The following GSG1L variants were observed in gnomAD, a reference collection of about 807,000 sequenced individuals.
The protein encoded by GSG1L is GSG1 like, also known as germ cell-specific gene 1-like protein.
In GSG1L, 24 loss-of-function variants were observed where a neutral mutation model predicts 42.1. The observed-to-expected ratio is 0.57, with a 90% CI of 0.41 to 0.80. The LOEUF is 0.80. Among genes scored for constraint, GSG1L ranks in the 30% least tolerant of loss-of-function variants. GSG1L has a pLI of 0.00. For synonymous variants in GSG1L, 215 were observed against 203.5 expected, an observed-to-expected ratio of 1.06 and a Z score of -0.48; for missense variants, 445 against 472.2, an observed-to-expected ratio of 0.94 and a Z score of 0.53.
intron 2 of GSG1L, among the ~76,000 whole-genome samples, chr16:27,942,806 C>A (rs1175514972): frequency 6.6e-6 from 1 of 152,116 alleles, no homozygotes; most frequent in Non-Finnish European, 1.5e-5. Context: ...TTTCATAGCC[C>A]ACTAGTGGGG....
chr16:27,843,005 C>T (rs146367213), intron 4 of GSG1L, among the ~76,000 whole-genome samples: 2 of 152,330 alleles, frequency 1.3e-5, no homozygotes, highest in South Asian at 2.1e-4. Context: ...TCCCCACACA[C>T]ATCTACATCA....
intron 2 of GSG1L, among the ~76,000 whole-genome samples, chr16:27,941,730 G>A (rs892975794): frequency 5.9e-5 from 9 of 151,922 alleles, no homozygotes; most frequent in African/African-American, 2.2e-4. Flanking sequence ...ACAGACAAAT[G>A]GATAAACCAG....
At chr16:28,013,592 A>G (rs944803246) in intron 1 of GSG1L, among the ~76,000 whole-genome samples, 3 of 152,198 alleles carry the variant, frequency 2.0e-5, no homozygotes, top group Admixed American at 1.3e-4. Flanking sequence ...GGCATTTTCC[A>G]AGCACTGACC....
chr16:27,914,317 T>C (rs1401015854), intron 2 of GSG1L, among the ~76,000 whole-genome samples: 1 of 152,176 alleles, frequency 6.6e-6, no homozygotes, highest in East Asian at 1.9e-4. Flanking sequence ...AGTAGAATTG[T>C]TATATGAACT....
rs571726700 is a variant in GSG1L at position 27,905,309 on chromosome 16, A to G, written c.398-20671T>C. Among the ~76,000 whole-genome samples the G allele has an allele frequency of 2.1e-4, 31 of 147,266 alleles. No individual in the cohort carries two copies. In the East Asian group the frequency reaches 6.0e-3, roughly 28 times the overall value. On this transcript the variant is annotated intron_variant, in intron 2 of 6. Coordinates refer to ENST00000447459, the MANE Select transcript of GSG1L (RefSeq NM_001109763.2). ...CAAAGGGGAAAATGCTATTCCGTTC[A>G]TGCCAGAATCTTTTTTTTTTTTTTT...
At chr16:28,052,524 C>A (rs146154526) in intron 1 of GSG1L, among the ~76,000 whole-genome samples, 217 of 152,232 alleles carry the variant, frequency 1.4e-3, no homozygotes, top group Non-Finnish European at 2.5e-3. Flanking sequence ...CAATGAGATG[C>A]AAGCAGGATG....
At chr16:28,042,363 G>T (rs1034931473) in intron 1 of GSG1L, among the ~76,000 whole-genome samples, 1 of 151,854 alleles carries the variant, frequency 6.6e-6, no homozygotes, top group Non-Finnish European at 1.5e-5. Flanking sequence ...TTGAACCCGG[G>T]GGGCGGAGGT....
chr16:28,062,349 TAA>T (rs1436422109), intron 1 of GSG1L, among the ~76,000 whole-genome samples: 76 of 152,226 alleles, frequency 5.0e-4, no homozygotes, highest in Non-Finnish European at 9.0e-4. Flanking sequence ...CCACCGAACC[TAA>T]TAGGAGCCTT....
At chr16:27,968,391 A>G (rs2085157839) in intron 1 of GSG1L, among the ~76,000 whole-genome samples, 1 of 152,156 alleles carries the variant, frequency 6.6e-6, no homozygotes, top group African/African-American at 2.4e-5. Flanking sequence ...CTGAGACCAC[A>G]GGCACATACC....
chr16:27,806,704 G>A (rs1365857983), intron 6 of GSG1L, among the ~76,000 whole-genome samples: 8 of 152,204 alleles, frequency 5.3e-5, no homozygotes, highest in Admixed American at 3.9e-4. Flanking sequence ...GCTTCCTAAA[G>A]GTCTGAGAGA....
intron 1 of GSG1L, among the ~76,000 whole-genome samples, chr16:28,055,039 G>A (rs541651045): frequency 1.3e-5 from 2 of 152,302 alleles, no homozygotes; most frequent in Admixed American, 6.5e-5. Flanking sequence ...GGCCTCTGTG[G>A]GATTTTAGTT....
In GSG1L at chr16:27,884,803, T is replaced by C. The variant is rs963409940; in HGVS notation, c.398-165A>G. Reference sequence around the variant, plus strand: ...GCCTGTCATGGCCGTCCCATCCTTGTCTGCAGGGGCCGGCTCAGGGACCGA... The same window carrying C: ...GCCTGTCATGGCCGTCCCATCCTTGCCTGCAGGGGCCGGCTCAGGGACCGA... On this transcript the variant is annotated intron_variant, in intron 2 of 6. Transcript: ENST00000447459. The surrounding 1 kb of genome is among the most constrained non-coding windows in gnomAD (Gnocchi z 4.4). 6.6e-6 allele frequency among the ~76,000 whole-genome samples: 1 copy of C among 152,200 alleles called. No homozygotes were observed. Among genetic ancestry groups the C allele is most frequent in the Non-Finnish European group, 1.5e-5 (1 of 68,036 alleles).
At chr16:27,968,658 C>G (rs2085160193) in intron 1 of GSG1L, among the ~76,000 whole-genome samples, 1 of 152,140 alleles carries the variant, frequency 6.6e-6, no homozygotes. Flanking sequence ...GCCTCCTGAG[C>G]CTAAGAAAGA....
At chr16:27,912,339 C>G (rs563187504) in intron 2 of GSG1L, among the ~76,000 whole-genome samples, 1 of 152,072 alleles carries the variant, frequency 6.6e-6, no homozygotes, top group Admixed American at 6.5e-5. Context: ...CATAGTGAGA[C>G]CTGGTCTCTA....
intron 6 of GSG1L, among the ~76,000 whole-genome samples, chr16:27,806,503 G>A (rs2082964323): frequency 6.6e-6 from 1 of 152,166 alleles, no homozygotes; most frequent in Non-Finnish European, 1.5e-5. Context: ...AGGAAAAGTG[G>A]GACAGGGATG....
chr16:27,930,539 G>A (rs971075122), intron 2 of GSG1L, among the ~76,000 whole-genome samples: 2 of 152,206 alleles, frequency 1.3e-5, no homozygotes, highest in African/African-American at 4.8e-5. Context: ...GCCTTGTACA[G>A]TGCCTGGCAC....
chr16:27,914,229 T>A (rs2084424545), intron 2 of GSG1L, among the ~76,000 whole-genome samples: 1 of 152,174 alleles, frequency 6.6e-6, no homozygotes, highest in African/African-American at 2.4e-5. Flanking sequence ...CTTCAAGGAA[T>A]CTCTAATGAT....
chr16:27,831,503 G>A (rs705925), intron 4 of GSG1L, among the ~76,000 whole-genome samples: 45,277 of 152,064 alleles, frequency 0.3, 7,021 homozygotes, highest in Admixed American at 0.41. Flanking sequence ...ACCAAGTCTG[G>A]CTCAACCCTG....
chr16:28,021,889 C>T (rs1486645885), intron 1 of GSG1L, among the ~76,000 whole-genome samples: 3 of 152,142 alleles, frequency 2.0e-5, no homozygotes, highest in Admixed American at 6.5e-5. Context: ...CCATGGGCCT[C>T]GACACGGGGC....
Sources: allele counts gnomAD v4.1 joint callset (sites outside exome capture counted in the v4.1 genomes callset), GRCh38; gene constraint gnomAD v4.1.1; non-coding constraint Gnocchi (gnomAD v3.1); transcripts MANE v1.5; gene names NCBI Gene and HGNC (gene_info 2026-07-23, HGNC 2026-07-21).